Variants in ST7 observed in about 807,000 individuals in gnomAD.
ST7 encodes suppressor of tumorigenicity 7 protein.
Under a neutral mutation model 78.7 loss-of-function variants are expected in ST7, and 28 were observed. The ratio of observed to expected loss-of-function variants is 0.36; its 90% CI spans 0.26 to 0.49. The LOEUF (loss-of-function observed/expected upper bound fraction) is 0.49. ST7 is among the 20% of genes least tolerant of loss of function. The pLI, the probability that ST7 is intolerant of heterozygous loss-of-function variation, is 0.99. For synonymous variants in ST7, 247 were observed against 249.6 expected, an observed-to-expected ratio of 0.99 and a Z score of 0.10; for missense variants, 418 against 696.0, an observed-to-expected ratio of 0.60 and a Z score of 4.49.
chr7:117,131,829 A>C, intron 5 of ST7, 56 bp from the exon 6 acceptor site: 2 of 1,453,184 alleles, frequency 1.4e-6, no homozygotes, highest in Non-Finnish European at 1.9e-6. Flanking sequence ...TCCTCTACTG[A>C]GTCTACCTAA....
rs542585557 is a variant in ST7, at chr7:117,043,747, C to T, written c.152-56015C>T. On this transcript the variant is annotated intron_variant, in intron 1 of 15. Coordinates refer to ENST00000323984, the MANE Select transcript of ST7 (RefSeq NM_001369598.1). ...TTTCATAAACGTTACTTCAGTTCCTCAGATTTTATTATTAGTGCTATCAAT... is the reference window on the plus strand; with the variant it reads ...TTTCATAAACGTTACTTCAGTTCCTTAGATTTTATTATTAGTGCTATCAAT... 3.8e-4 allele frequency among the ~76,000 whole-genome samples: 58 copies of T among 152,304 alleles called. No homozygotes were observed. The South Asian group carries it at 0.012, about 31-fold the overall frequency.
At chr7:116,979,094 G>A (rs532312740) in intron 1 of ST7, among the ~76,000 whole-genome samples, 2 of 152,300 alleles carry the variant, frequency 1.3e-5, no homozygotes, top group East Asian at 3.9e-4. Flanking sequence ...GTGGCCTTCA[G>A]TGGAGAGACA....
At position 117,017,242 on chromosome 7, in the gene ST7, G is replaced by A. The variant is rs369241836; in HGVS notation, c.151+63551G>A. Among the ~76,000 whole-genome samples the A allele has an allele frequency of 5.9e-5, 9 of 152,142 alleles. No homozygotes were observed. The South Asian group carries it at 8.3e-4, about 14-fold the overall frequency. On this transcript the variant is annotated intron_variant, in intron 1 of 15. Transcript: ENST00000323984. ...CATATACCATCACTTGACACGTCAC[G>A]TGTTTGTTTCTCTGTCTCACTCACT...
intron 1 of ST7, among the ~76,000 whole-genome samples, chr7:117,031,128 G>A (rs4439045): frequency 1.3e-5 from 2 of 151,994 alleles, no homozygotes; most frequent in African/African-American, 4.8e-5. Flanking sequence ...TAAGTGGGAC[G>A]TAAATAATGA....
intron 1 of ST7, chr7:117,023,054 T>A (rs1796007490): frequency 6.6e-6 from 1 of 152,230 alleles, no homozygotes; most frequent in Admixed American, 6.5e-5. Flanking sequence ...GTGGCTCTTT[T>A]AAACTTTCTT....
At chr7:117,126,803 C>A (rs1035758371) in intron 3 of ST7, among the ~76,000 whole-genome samples, 2 of 151,818 alleles carry the variant, frequency 1.3e-5, no homozygotes, top group Non-Finnish European at 2.9e-5. Flanking sequence ...TCTTTAGGTT[C>A]TTTGTCTCTC....
chr7:117,174,496 T>C (rs1463233031), intron 10 of ST7, among the ~76,000 whole-genome samples: 1 of 152,168 alleles, frequency 6.6e-6, no homozygotes, highest in Admixed American at 6.6e-5. Context: ...TGTGATGTTA[T>C]GAGAGAAAAG....
At chr7:116,996,081 C>CTTT (rs1563000185) in intron 1 of ST7, among the ~76,000 whole-genome samples, 3 of 130,812 alleles carry the variant, frequency 2.3e-5, no homozygotes, top group Non-Finnish European at 3.4e-5. Context: ...GCAGATTCCC[C>CTTT]GTTTTTTTTT....
At chr7:117,187,106 T>C (rs38881) in intron 10 of ST7, among the ~76,000 whole-genome samples, 13,091 of 152,260 alleles carry the variant, frequency 0.086, 871 homozygotes, top group East Asian at 0.2. Context: ...GATTCATCCC[T>C]CCTTAGAGGC....
intron 1 of ST7, among the ~76,000 whole-genome samples, chr7:117,098,111 C>T (rs983619811): frequency 2.0e-5 from 3 of 150,738 alleles, no homozygotes; most frequent in African/African-American, 7.3e-5. Flanking sequence ...AGATGAAATA[C>T]CACAGGTCAA....
intron 3 of ST7, among the ~76,000 whole-genome samples, chr7:117,124,409 T>C (rs753926582): frequency 6.6e-6 from 1 of 152,158 alleles, no homozygotes; most frequent in Non-Finnish European, 1.5e-5. Flanking sequence ...ACATGGCGGA[T>C]AACCTGGGTA....
At chr7:116,958,369 AT>A (rs1562976474) in intron 1 of ST7, among the ~76,000 whole-genome samples, 1 of 152,008 alleles carries the variant, frequency 6.6e-6, no homozygotes, top group East Asian at 1.9e-4. Flanking sequence ...TGTTGACGTG[AT>A]ATAGAACTTA....
chr7:117,047,938 A>G (rs1047865760), intron 1 of ST7, among the ~76,000 whole-genome samples: 12 of 152,208 alleles, frequency 7.9e-5, no homozygotes, highest in African/African-American at 2.9e-4. Flanking sequence ...ATCTGAATAT[A>G]ACTTTTGGCT....
rs143588039 is a variant in ST7 at position 117,102,944 on chromosome 7, T to C, written c.234+3100T>C. Among the ~76,000 whole-genome samples the C allele has an allele frequency of 8.0e-3, 1,208 of 151,934 alleles. 18 individuals are homozygous for C. The highest frequency in any genetic ancestry group is 0.027 in the African/African-American group (1,110 of 41,452). Reference sequence around the variant, plus strand: ...TTATATATGCTAACAGTGAACAATCTGAAAAAGAAATCAAGAAAGCAATCC... The same window carrying C: ...TTATATATGCTAACAGTGAACAATCCGAAAAAGAAATCAAGAAAGCAATCC... On this transcript the variant is annotated intron_variant, in intron 2 of 15. Transcript: ENST00000323984.
At chr7:116,965,411 TG>T (rs1258334604) in intron 1 of ST7, among the ~76,000 whole-genome samples, 1 of 127,790 alleles carries the variant, frequency 7.8e-6, no homozygotes, top group Non-Finnish European at 1.7e-5. Flanking sequence ...TGTGGAAGGG[TG>T]GGGGGCAAGG....
intron 12 of ST7, chr7:117,198,307 T>A (rs774417666): frequency 4.4e-6 from 2 of 456,450 alleles, no homozygotes; most frequent in East Asian, 1.4e-4. Flanking sequence ...CCGTTCTATT[T>A]CTGTGCTTGC....
At chr7:117,115,636 G>A (rs1248194285) in intron 2 of ST7, among the ~76,000 whole-genome samples, 1 of 152,150 alleles carries the variant, frequency 6.6e-6, no homozygotes, top group Non-Finnish European at 1.5e-5. Flanking sequence ...TTACAGGCAT[G>A]AGCCACCGCG....
At chr7:117,193,779 T>G (rs1810015330) in intron 12 of ST7, among the ~76,000 whole-genome samples, 2 of 152,264 alleles carry the variant, frequency 1.3e-5, no homozygotes, top group South Asian at 4.1e-4. Flanking sequence ...ACAGGAATTT[T>G]TAGTATCTAC....
chr7:117,229,873 C>T lies in ST7; in HGVS notation c.*16C>T. ...ACGGATCTGAGAGAAGCCCTGTCCTCCACTCACCTCACCCGCCGCTGCCAC... is the reference window on the plus strand; with the variant it reads ...ACGGATCTGAGAGAAGCCCTGTCCTTCACTCACCTCACCCGCCGCTGCCAC... On this transcript the variant is annotated 3_prime_UTR_variant, in exon 16 of 16. Transcript: ENST00000323984. The T allele has an allele frequency of 6.2e-7, 1 of 1,605,604 alleles. No homozygotes were observed. The highest frequency in any genetic ancestry group is 1.3e-5 in the African/African-American group (1 of 74,848).
Sources: allele counts gnomAD v4.1 joint callset (sites outside exome capture counted in the v4.1 genomes callset), GRCh38; gene constraint gnomAD v4.1.1; transcripts MANE v1.5; gene names NCBI Gene and HGNC (gene_info 2026-07-23, HGNC 2026-07-21).